The following WDR7 variants were observed in gnomAD, a reference collection of about 807,000 sequenced individuals.
WDR7 encodes WD repeat domain 7.
A neutral mutation model predicts 169.4 loss-of-function variants in WDR7; 46 were observed. That is an observed-to-expected ratio of 0.27 (90% CI 0.21 to 0.35). The LOEUF (loss-of-function observed/expected upper bound fraction) is 0.35, where lower values mean the gene tolerates loss of function less well. Ranked by LOEUF, WDR7 falls within the 10% of genes least tolerant of loss-of-function variation. The pLI, the probability that WDR7 is intolerant of heterozygous loss-of-function variation, is 1.00. For synonymous variants in WDR7, 612 were observed against 666.8 expected, an observed-to-expected ratio of 0.92 and a Z score of 1.27; for missense variants, 1,534 against 1,859.3, an observed-to-expected ratio of 0.83 and a Z score of 3.22.
At chr18:56,822,666 G>A (rs961236133) in intron 20 of WDR7, among the ~76,000 whole-genome samples, 1 of 152,136 alleles carries the variant, frequency 6.6e-6, no homozygotes, top group East Asian at 1.9e-4. Context: ...CTAAAAAGTA[G>A]TTTAGATGTA....
intron 9 of WDR7, among the ~76,000 whole-genome samples, chr18:56,692,958 T>C (rs189228186): frequency 1.8e-4 from 28 of 152,102 alleles, no homozygotes; most frequent in Non-Finnish European, 4.0e-4. Flanking sequence ...CCCAGCTACT[T>C]GGGAGGCTGA....
At position 56,944,908 on chromosome 18, in the gene WDR7, G is replaced by C. The variant is rs561307772; in HGVS notation, c.4064+5515G>C. Among the ~76,000 whole-genome samples the C allele has an allele frequency of 2.6e-5, 4 of 152,254 alleles. No individual in the cohort carries two copies. The South Asian group carries it at 8.3e-4, about 32-fold the overall frequency. On this transcript the variant is annotated intron_variant, in intron 25 of 27. Transcript: ENST00000254442. ...AAATGTAAACATTTTTGGAGAATTA[G>C]ATAGTGATATTTATAGTGATATTTA...
chr18:56,823,569 G>C (rs943291029), intron 20 of WDR7, among the ~76,000 whole-genome samples: 1 of 152,136 alleles, frequency 6.6e-6, no homozygotes, highest in Non-Finnish European at 1.5e-5. Flanking sequence ...CTGGGCGACA[G>C]AGCAAGACTC....
intron 13 of WDR7, among the ~76,000 whole-genome samples, chr18:56,722,154 A>T (rs939455164): frequency 6.6e-6 from 1 of 152,248 alleles, no homozygotes; most frequent in African/African-American, 2.4e-5. Flanking sequence ...TATATAAAAC[A>T]TGGCTAACAA....
At chr18:56,737,611 A>G (rs2026728671) in intron 14 of WDR7, among the ~76,000 whole-genome samples, 1 of 152,330 alleles carries the variant, frequency 6.6e-6, no homozygotes, top group Non-Finnish European at 1.5e-5. Context: ...TGCAAAGGTC[A>G]GTAGCTTTGT....
At chr18:56,911,607 G>C (rs1272495258) in intron 21 of WDR7, among the ~76,000 whole-genome samples, 1 of 152,098 alleles carries the variant, frequency 6.6e-6, no homozygotes, top group Non-Finnish European at 1.5e-5. Context: ...TACTTATCTG[G>C]GGTCTTTGAC....
At chr18:56,837,309 T>C (rs1313023013) in intron 20 of WDR7, among the ~76,000 whole-genome samples, 1 of 152,228 alleles carries the variant, frequency 6.6e-6, no homozygotes, top group Non-Finnish European at 1.5e-5. Context: ...GTCAGAAGTG[T>C]ATTGATTAGC....
At chr18:56,954,243 C>T (rs995186195) in intron 25 of WDR7, among the ~76,000 whole-genome samples, 3 of 152,114 alleles carry the variant, frequency 2.0e-5, no homozygotes, top group Admixed American at 6.5e-5. Context: ...TGACCTTTGT[C>T]GGAAGTTATG....
intron 1 of WDR7, among the ~76,000 whole-genome samples, chr18:56,657,161 C>CTT (rs779751073): frequency 6.6e-5 from 9 of 136,836 alleles, no homozygotes; most frequent in African/African-American, 2.4e-4. Flanking sequence ...TTTGTTGGGA[C>CTT]TTTTTTTTTT....
intron 26 of WDR7, among the ~76,000 whole-genome samples, chr18:56,997,223 A>G (rs1189422320): frequency 6.6e-6 from 1 of 152,214 alleles, no homozygotes; most frequent in Non-Finnish European, 1.5e-5. Context: ...GCTCCCTGGC[A>G]GAGTGTTTTC....
chr18:56,859,404 A>C (rs1163327153), intron 20 of WDR7, among the ~76,000 whole-genome samples: 1 of 152,154 alleles, frequency 6.6e-6, no homozygotes, highest in Non-Finnish European at 1.5e-5. Context: ...CCTAGCCACA[A>C]GACTGGGGCA....
chr18:56,850,949 A>G (rs947979522), intron 20 of WDR7, among the ~76,000 whole-genome samples: 1 of 151,932 alleles, frequency 6.6e-6, no homozygotes, highest in East Asian at 1.9e-4. Context: ...ACTGCTCCCA[A>G]ATCTAGTTTA....
In WDR7 at chr18:56,895,912, A is replaced by G. The variant is rs182207669; in HGVS notation, c.3526+15747A>G. Among the ~76,000 whole-genome samples, 3 of 151,946 alleles carry G rather than the reference A, an allele frequency of 2.0e-5. No homozygotes were observed. In the East Asian group the frequency reaches 5.8e-4, roughly 29 times the overall value. On this transcript the variant is annotated intron_variant, in intron 21 of 27. Transcript: ENST00000254442. ...CATCATTCTTATAATAACTAGGCCA[A>G]ATTATTCTAAAATGAATATACCAGA...
intron 19 of WDR7, among the ~76,000 whole-genome samples, chr18:56,793,624 T>C (rs2044531237): frequency 6.6e-6 from 1 of 152,250 alleles, no homozygotes; most frequent in East Asian, 1.9e-4. Context: ...TAATTAATTC[T>C]GCACATACTT....
intron 27 of WDR7, among the ~76,000 whole-genome samples, chr18:57,025,381 A>G (rs928613727): frequency 4.6e-5 from 7 of 152,210 alleles, no homozygotes; most frequent in African/African-American, 9.6e-5. Context: ...ATCATTATTT[A>G]TATTTTAACT....
chr18:56,762,933 A>G (rs1290264764), intron 16 of WDR7, among the ~76,000 whole-genome samples: 1 of 150,708 alleles, frequency 6.6e-6, no homozygotes, highest in Non-Finnish European at 1.5e-5. Flanking sequence ...GCCTACGAAT[A>G]AAGTTTTTTT....
At chr18:56,868,403 AT>A (rs1233200103) in intron 20 of WDR7, among the ~76,000 whole-genome samples, 1 of 152,146 alleles carries the variant, frequency 6.6e-6, no homozygotes, top group African/African-American at 2.4e-5. Context: ...AGGTGAAAAT[AT>A]GTTTTAAGTG....
At chr18:56,798,150 G>A (rs1029779295) in intron 19 of WDR7, among the ~76,000 whole-genome samples, 2 of 152,114 alleles carry the variant, frequency 1.3e-5, no homozygotes, top group Non-Finnish European at 2.9e-5. Flanking sequence ...CTTGACTTTT[G>A]TAATAGCAAA....
At chr18:56,746,384 T>C (rs952040897) in intron 14 of WDR7, among the ~76,000 whole-genome samples, 5 of 151,950 alleles carry the variant, frequency 3.3e-5, no homozygotes, top group Non-Finnish European at 7.4e-5. Context: ...AAGGACGGGG[T>C]AGGAAAAAGG....
Sources: gnomAD v4.1 joint callset for allele counts (sites outside exome capture counted in the v4.1 genomes callset) on GRCh38, gnomAD v4.1.1 for gene constraint, MANE v1.5 for transcripts, NCBI Gene and HGNC (gene_info 2026-07-23, HGNC 2026-07-21) for gene names.